The following PSMB2 variants were observed in gnomAD, a reference collection of about 807,000 sequenced individuals.
PSMB2 encodes proteasome subunit beta type-2.
Under a neutral mutation model 25.7 loss-of-function variants are expected in PSMB2, and 13 were observed. The observed-to-expected ratio is 0.51, with a 90% CI of 0.33 to 0.80. The LOEUF is 0.80. Among genes scored for constraint, PSMB2 ranks in the 30% least tolerant of loss-of-function variants. The pLI, the probability that PSMB2 is intolerant of heterozygous loss-of-function variation, is 0.02. For synonymous variants in PSMB2, 87 were observed against 96.2 expected (o/e 0.90, Z 0.56); for missense variants, 202 against 259.0 (o/e 0.78, Z 1.51).
At chr1:35,627,367 A>G (rs1326468265) in intron 3 of PSMB2, among the ~76,000 whole-genome samples, 1 of 151,990 alleles carries the variant, frequency 6.6e-6, no homozygotes, top group African/African-American at 2.4e-5. Flanking sequence ...GCATAAAAAC[A>G]CAAGTGGGCT....
At chr1:35,636,270 G>C in intron 2 of PSMB2, 40 bp downstream of exon 2, 2 of 1,611,510 alleles carry the variant, frequency 1.2e-6, no homozygotes, top group Non-Finnish European at 1.7e-6. Flanking sequence ...GGCAGCCCTA[G>C]TAAACTCATA....
chr1:35,615,634 G>A (rs1557450611), intron 3 of PSMB2, among the ~76,000 whole-genome samples: 1 of 152,204 alleles, frequency 6.6e-6, no homozygotes, highest in Non-Finnish European at 1.5e-5. Context: ...TCACAGCAAG[G>A]GGGAGAGAGG....
chr1:35,631,012 GAA>G (rs34050788), intron 3 of PSMB2, among the ~76,000 whole-genome samples: 1 of 150,462 alleles, frequency 6.6e-6, no homozygotes, highest in African/African-American at 2.4e-5. Context: ...TTTTTAGGGG[GAA>G]AAAAAAAGGG....
chr1:35,630,438 G>A (rs575647296), intron 3 of PSMB2, among the ~76,000 whole-genome samples: 1 of 152,322 alleles, frequency 6.6e-6, no homozygotes, highest in South Asian at 2.1e-4. Flanking sequence ...AAGCAACCAA[G>A]ATGTCCTTCA....
intron 3 of PSMB2, among the ~76,000 whole-genome samples, chr1:35,624,335 C>T (rs1009868097): frequency 1.3e-5 from 2 of 152,158 alleles, no homozygotes; most frequent in Non-Finnish European, 2.9e-5. Flanking sequence ...ATTAACCCTC[C>T]TATTGCAGGG....
Position 35,600,789 on chromosome 1 carries a change from A to G in PSMB2, c.*2478T>C, listed in dbSNP as rs1246885216. 1 of 985,324 alleles carries G rather than the reference A, an allele frequency of 1.0e-6. No individual in the cohort carries two copies. The highest frequency in any genetic ancestry group is 1.2e-6 in the Non-Finnish European group (1 of 829,940). The allele number at this position is 985,324 out of a possible 1,614,324, so 61.0% of individuals were successfully genotyped here. A position where few individuals can be genotyped will look rare whatever the true frequency, so the allele number is the denominator to read the frequency against. ...CTGAGATTGCCCTGGGGACACTTAC[A>G]TTCAAAGGCAGAGAACCGTATGTCA... On this transcript the variant is annotated 3_prime_UTR_variant, in exon 6 of 6. Coordinates refer to ENST00000373237, the MANE Select transcript of PSMB2 (RefSeq NM_002794.5).
chr1:35,613,979 G>T (rs1650414178), intron 3 of PSMB2, among the ~76,000 whole-genome samples: 1 of 152,222 alleles, frequency 6.6e-6, no homozygotes. Context: ...TTCTGGCACT[G>T]AGATACGAGG....
chr1:35,600,877 T>C lies in PSMB2; in HGVS notation c.*2390A>G. ...CAATCATTATACACTTACTGAGCAC[T>C]TACCACATGCCAAGCCCTGAACTAA... On this transcript the variant is annotated 3_prime_UTR_variant, in exon 6 of 6. Coordinates refer to ENST00000373237, the MANE Select transcript of PSMB2 (RefSeq NM_002794.5). The C allele has an allele frequency of 7.1e-6, 7 of 985,188 alleles. No individual in the cohort carries two copies. Among genetic ancestry groups the C allele is most frequent in the Non-Finnish European group, 8.4e-6 (7 of 829,742 alleles). The allele number at this position is 985,188 out of a possible 1,614,324, so 61.0% of individuals were successfully genotyped here.
chr1:35,629,246 A>T (rs1354727883), intron 3 of PSMB2, among the ~76,000 whole-genome samples: 1 of 152,226 alleles, frequency 6.6e-6, no homozygotes, highest in Non-Finnish European at 1.5e-5. Context: ...CATTTCATAG[A>T]TAAGTAAACA....
intron 2 of PSMB2, among the ~76,000 whole-genome samples, chr1:35,634,251 T>G: frequency 6.6e-6 from 1 of 152,368 alleles, no homozygotes; most frequent in East Asian, 1.9e-4. Context: ...ATATGTATTA[T>G]TCATTAGTAT....
Position 35,622,980 on chromosome 1 carries a change from A to AGT in PSMB2, c.285+8293_285+8294insAC, listed in dbSNP as rs1202915162. 1.7e-4 allele frequency among the ~76,000 whole-genome samples: 26 copies of AGT among 152,328 alleles called. No individual in the cohort carries two copies. In the East Asian group the frequency reaches 4.8e-3, roughly 28 times the overall value. On this transcript the variant is annotated intron_variant, in intron 3 of 5. Coordinates refer to ENST00000373237, the MANE Select transcript of PSMB2 (RefSeq NM_002794.5). The stretch of plus-strand genomic sequence containing the variant: ...GTCAAGCTTTAACTAATGCATACGC[A>AGT]TACTGCTTAAAAGGGCAGCTGTCAG...
rs760959466 is a variant in PSMB2, at chr1:35,636,317, C to T, written c.207G>A (p.Met69Ile). The T allele has an allele frequency of 5.0e-6, 8 of 1,614,082 alleles. No homozygotes were observed. In the Middle Eastern group the frequency reaches 6.6e-4, roughly 133 times the overall value. Reference sequence around the variant, plus strand: ...ACTGTAAGTCTTACCCACCATTTCGCATCTTATAAAGTTGCACGTTTTTCT... The same window carrying T: ...ACTGTAAGTCTTACCCACCATTTCGTATCTTATAAAGTTGCACGTTTTTCT... ...YIQKNVQLYK[M>I]RNGYELSPTA... The change falls in exon 2 of 6, where the codon ATG becomes ATA. Residue 69 changes from methionine to isoleucine, a missense_variant. Physicochemically the swap from Met to Ile is conservative, Grantham distance 10. Coordinates refer to ENST00000373237, the MANE Select transcript of PSMB2 (RefSeq NM_002794.5).
chr1:35,633,941 C>T (rs1651174100), intron 2 of PSMB2, among the ~76,000 whole-genome samples: 1 of 152,210 alleles, frequency 6.6e-6, no homozygotes, highest in African/African-American at 2.4e-5. Context: ...CCATATTATA[C>T]CAGTGCAGTG....
At chr1:35,614,761 A>C (rs910906843) in intron 3 of PSMB2, among the ~76,000 whole-genome samples, 11 of 152,234 alleles carry the variant, frequency 7.2e-5, no homozygotes, top group Non-Finnish European at 1.6e-4. Context: ...TTGATATACA[A>C]AGAAAAAATT....
chr1:35,611,011 C>T (rs555473901), intron 3 of PSMB2, among the ~76,000 whole-genome samples: 6 of 152,202 alleles, frequency 3.9e-5, no homozygotes, highest in South Asian at 2.1e-4. Flanking sequence ...ACACCAGCTG[C>T]GCCATTTACC....
chr1:35,620,292 A>C (rs1480796634), intron 3 of PSMB2, among the ~76,000 whole-genome samples: 1 of 152,160 alleles, frequency 6.6e-6, no homozygotes, highest in African/African-American at 2.4e-5. Flanking sequence ...TTCTATTAGA[A>C]CCATGTTCCC....
At chr1:35,616,281 G>A (rs78413142) in intron 3 of PSMB2, among the ~76,000 whole-genome samples, 2,792 of 152,298 alleles carry the variant, frequency 0.018, 101 homozygotes, top group African/African-American at 0.063. Context: ...GATTTGGTAT[G>A]TAAATGCAGT....
chr1:35,633,159 T>C (rs752837945), intron 2 of PSMB2, among the ~76,000 whole-genome samples: 14 of 151,180 alleles, frequency 9.3e-5, no homozygotes, highest in Non-Finnish European at 1.6e-4. Flanking sequence ...AGCTGGAAGT[T>C]GCAGTGGGCT....
intron 4 of PSMB2, among the ~76,000 whole-genome samples, chr1:35,608,268 G>C (rs1311946897): frequency 6.6e-6 from 1 of 152,076 alleles, no homozygotes; most frequent in African/African-American, 2.4e-5. Flanking sequence ...GGGAGGCTGA[G>C]GCACGAGAAT....
Sources: gnomAD v4.1 joint callset for allele counts (sites outside exome capture counted in the v4.1 genomes callset) on GRCh38, gnomAD v4.1.1 for gene constraint, MANE v1.5 for transcripts, NCBI Gene and HGNC (gene_info 2026-07-23, HGNC 2026-07-21) for gene names.